PLCB1: variants seen among roughly 807,000 people sequenced by gnomAD.
The protein encoded by PLCB1 is phospholipase C beta 1, also known as 1-phosphatidylinositol 4,5-bisphosphate phosphodiesterase beta-1.
PLCB1 carries 46 observed loss-of-function variants against 161.8 expected under a neutral mutation model. The ratio of observed to expected loss-of-function variants is 0.28; its 90% confidence interval spans 0.22 to 0.36. The LOEUF (loss-of-function observed/expected upper bound fraction) is 0.36. Ranked by LOEUF, PLCB1 falls within the 10% of genes least tolerant of loss-of-function variation. The probability of loss-of-function intolerance (pLI) is 1.00; values close to 1 mark genes in which losing one functional copy is unlikely to be tolerated. For missense variants in PLCB1, 1,016 were observed against 1,472.5 expected, an observed-to-expected ratio of 0.69 and a Z score of 5.07; for synonymous variants, 517 against 503.7, an observed-to-expected ratio of 1.03 and a Z score of -0.35.
intron 2 of PLCB1, among the ~76,000 whole-genome samples, chr20:8,339,884 G>T (rs774500111): frequency 2.0e-5 from 3 of 152,146 alleles, no homozygotes; most frequent in Non-Finnish European, 4.4e-5. Context: ...TGGGAGGATC[G>T]CTTGAGGTCG....
At chr20:8,828,267 A>G (rs903994493) in intron 31 of PLCB1, among the ~76,000 whole-genome samples, 3 of 152,122 alleles carry the variant, frequency 2.0e-5, no homozygotes, top group African/African-American at 7.2e-5. Context: ...GTTTTTTAGG[A>G]TACTCTCAAA....
intron 2 of PLCB1, among the ~76,000 whole-genome samples, chr20:8,227,398 A>C (rs1979755037): frequency 6.6e-6 from 1 of 152,194 alleles, no homozygotes; most frequent in South Asian, 2.1e-4. Context: ...TCAACCAGGC[A>C]GATTTTTGAT....
At chr20:8,187,272 C>G (rs1239698367) in intron 2 of PLCB1, among the ~76,000 whole-genome samples, 1 of 152,124 alleles carries the variant, frequency 6.6e-6, no homozygotes, top group Admixed American at 6.6e-5. Context: ...TGATCCTTCA[C>G]CTCCCCCAGT....
chr20:8,224,047 A>G (rs1276794660), intron 2 of PLCB1, among the ~76,000 whole-genome samples: 1 of 152,240 alleles, frequency 6.6e-6, no homozygotes, highest in Admixed American at 6.5e-5. Context: ...GGTTAAAAAC[A>G]GAAACCACAT....
chr20:8,232,722 C>G (rs1980120900), intron 2 of PLCB1, among the ~76,000 whole-genome samples: 1 of 152,158 alleles, frequency 6.6e-6, no homozygotes, highest in African/African-American at 2.4e-5. Context: ...CCTGATATGT[C>G]TTTACACACC....
At chr20:8,593,464 G>C (rs1366454768) in intron 3 of PLCB1, among the ~76,000 whole-genome samples, 1 of 152,030 alleles carries the variant, frequency 6.6e-6, no homozygotes, top group Non-Finnish European at 1.5e-5. Flanking sequence ...AAAGTGCTGG[G>C]ATTACAAGTG....
At chr20:8,261,410 C>T (rs1173614952) in intron 2 of PLCB1, among the ~76,000 whole-genome samples, 2 of 152,126 alleles carry the variant, frequency 1.3e-5, no homozygotes, top group African/African-American at 4.8e-5. Flanking sequence ...TTCATGTTAG[C>T]AAGGTAGAAA....
intron 3 of PLCB1, among the ~76,000 whole-genome samples, chr20:8,424,753 G>C (rs1979678241): frequency 6.6e-6 from 1 of 152,194 alleles, no homozygotes; most frequent in African/African-American, 2.4e-5. Context: ...GTGACTGCAA[G>C]TTGTCCAGGT....
At chr20:8,777,291 T>C (rs1161800555) in intron 27 of PLCB1, among the ~76,000 whole-genome samples, 1 of 152,108 alleles carries the variant, frequency 6.6e-6, no homozygotes, top group Non-Finnish European at 1.5e-5. Context: ...TGCTTCCCAG[T>C]ACGTTACGGG....
chr20:8,473,155 A>G lies in PLCB1; in HGVS notation c.246+101705A>G, dbSNP rs1398142114. 3.3e-5 allele frequency among the ~76,000 whole-genome samples: 5 copies of G among 152,294 alleles called. No individual in the cohort carries two copies. In the East Asian group the frequency reaches 9.7e-4, roughly 29 times the overall value. ...AAGGGACACTGGGGCATGTAATCCA[A>G]CCACATATGCTCAAGAAGATGAAAT... On this transcript the variant is annotated intron_variant, in intron 3 of 31. Transcript: ENST00000338037.
intron 2 of PLCB1, among the ~76,000 whole-genome samples, chr20:8,179,514 A>G (rs1198509888): frequency 6.6e-6 from 1 of 152,196 alleles, no homozygotes; most frequent in African/African-American, 2.4e-5. Context: ...GAAGTTGTTT[A>G]TTAGATCAAG....
intron 3 of PLCB1, among the ~76,000 whole-genome samples, chr20:8,457,684 A>G (rs932003887): frequency 2.0e-5 from 3 of 150,926 alleles, no homozygotes; most frequent in Admixed American, 6.6e-5. Context: ...ATTCAAAGTC[A>G]TCTCCTACTT....
At chr20:8,253,748 T>G (rs571567430) in intron 2 of PLCB1, among the ~76,000 whole-genome samples, 40 of 151,652 alleles carry the variant, frequency 2.6e-4, no homozygotes, top group Non-Finnish European at 5.0e-4. Flanking sequence ...GGTACCTGAG[T>G]TTTTCAACTC....
At chr20:8,647,518 T>A (rs1989200926) in intron 5 of PLCB1, among the ~76,000 whole-genome samples, 1 of 152,184 alleles carries the variant, frequency 6.6e-6, no homozygotes, top group Non-Finnish European at 1.5e-5. Context: ...TGACCTAGAG[T>A]TCTCATTCTG....
intron 2 of PLCB1, among the ~76,000 whole-genome samples, chr20:8,173,992 G>A (rs796488625): frequency 7.2e-5 from 11 of 152,188 alleles, no homozygotes; most frequent in African/African-American, 2.6e-4. Flanking sequence ...CTGAGCTCCG[G>A]GGACCTGTGG....
chr20:8,602,097 T>TTAAAGTTCTCTC (rs1987604274), intron 3 of PLCB1, among the ~76,000 whole-genome samples: 1 of 152,172 alleles, frequency 6.6e-6, no homozygotes, highest in South Asian at 2.1e-4. Flanking sequence ...CAGATAAGAA[T>TTAAAGTTCTCTC]TAAAGTTCTC....
intron 3 of PLCB1, among the ~76,000 whole-genome samples, chr20:8,496,329 C>CAAAAAAAAAAAA (rs71331309): frequency 2.2e-5 from 2 of 91,992 alleles, no homozygotes; most frequent in African/African-American, 7.4e-5. Flanking sequence ...CCCATCTCTG[C>CAAAAAAAAAAAA]AAAAAAAAAA....
chr20:8,466,141 G>A (rs1423551833), intron 3 of PLCB1, among the ~76,000 whole-genome samples: 1 of 151,348 alleles, frequency 6.6e-6, no homozygotes, highest in African/African-American at 2.4e-5. Context: ...ATACTATGCA[G>A]CCATAAAAAA....
At chr20:8,230,372 A>G (rs1979963814) in intron 2 of PLCB1, among the ~76,000 whole-genome samples, 1 of 152,172 alleles carries the variant, frequency 6.6e-6, no homozygotes, top group African/African-American at 2.4e-5. Flanking sequence ...TAGGATAGCC[A>G]TAACCTTCAA....
Sources: allele counts gnomAD v4.1 joint callset (sites outside exome capture counted in the v4.1 genomes callset), GRCh38; gene constraint gnomAD v4.1.1; transcripts MANE v1.5; gene names NCBI Gene and HGNC (gene_info 2026-07-23, HGNC 2026-07-21).